The following RIMBP2 variants were observed in gnomAD, a reference collection of about 807,000 sequenced individuals.
RIMBP2 encodes RIMS binding protein 2.
In RIMBP2, 48 loss-of-function variants were observed where a neutral mutation model predicts 118.6. The ratio of observed to expected loss-of-function variants is 0.40; its 90% CI spans 0.32 to 0.51. The LOEUF is 0.51. Ranked by LOEUF, RIMBP2 falls within the 20% of genes least tolerant of loss-of-function variation. RIMBP2 has a pLI of 0.41. For synonymous variants in RIMBP2, 762 were observed against 742.9 expected (o/e 1.03, Z -0.42); for missense variants, 1,551 against 1,768.3 (o/e 0.88, Z 2.20).
At position 130,434,532 on chromosome 12, in the gene RIMBP2, A is replaced by G. The variant is rs771061433; in HGVS notation, c.2253+202T>C. Reference sequence around the variant, plus strand: ...GAAGCCCTGCACTTCGACTTTTTCAATTATCCCCAATGAGGGTATGTGACA... The same window carrying G: ...GAAGCCCTGCACTTCGACTTTTTCAGTTATCCCCAATGAGGGTATGTGACA... On this transcript the variant is annotated intron_variant, in intron 14 of 22. Coordinates refer to ENST00000690449, the MANE Select transcript of RIMBP2 (RefSeq NM_001393629.1). The surrounding 1 kb of genome is among the most constrained non-coding windows in gnomAD (Gnocchi z 5.7). Among the ~76,000 whole-genome samples the G allele has an allele frequency of 1.3e-5, 2 of 152,182 alleles. No individual in the cohort carries two copies. The highest frequency in any genetic ancestry group is 2.9e-5 in the Non-Finnish European group (2 of 68,046).
In RIMBP2 at chr12:130,452,046, A is replaced by AAC. The variant is rs1251540602; in HGVS notation, c.359-707_359-706insGT. On this transcript the variant is annotated intron_variant, in intron 7 of 22. Coordinates refer to ENST00000690449, the MANE Select transcript of RIMBP2 (RefSeq NM_001393629.1). ...CTGTCCTGGTTGCCTGGAAGGGAGC[A>AAC]TTGAGCAACGTGACTAACGCTGGCC... Among the ~76,000 whole-genome samples, 6 of 152,312 alleles carry AAC rather than the reference A, an allele frequency of 3.9e-5. 1 individual carries two copies. In the East Asian group the frequency reaches 1.2e-3, roughly 29 times the overall value.
chr12:130,438,408 CCATTGGA>C lies in RIMBP2; in HGVS notation c.1606_1612del (p.Ser536AlafsTer42). On this transcript the variant is annotated frameshift_variant, in exon 12 of 23. Transcript: ENST00000690449. LOFTEE classifies it high-confidence loss of function. ...CACGCCGTAGCCGGTAACGTTTGCGCCATTGGACAGCCCGGTGGGCGTCAGCACAGGT... is the reference window on the plus strand; with the variant it reads ...CACGCCGTAGCCGGTAACGTTTGCGCCAGCCCGGTGGGCGTCAGCACAGGT... The C allele has an allele frequency of 6.2e-7, 1 of 1,604,490 alleles. No homozygotes were observed. Among genetic ancestry groups the C allele is most frequent in the Non-Finnish European group, 8.5e-7 (1 of 1,175,838 alleles).
chr12:130,412,791 GA>G lies in RIMBP2; in HGVS notation c.3421-5del. On this transcript the variant is annotated splice_region_variant and splice_polypyrimidine_tract_variant and intron_variant, in intron 18 of 22. Coordinates refer to ENST00000690449, the MANE Select transcript of RIMBP2 (RefSeq NM_001393629.1). ...CAGCGTCTTTATCACCATAAACCTA[GA>G]GCCAAGGGGGAAAATAAATCAAGCA... 6.2e-7 allele frequency: 1 copy of G among 1,607,346 alleles called. No individual in the cohort carries two copies. Among genetic ancestry groups the G allele is most frequent in the Non-Finnish European group, 8.5e-7 (1 of 1,176,858 alleles).
chr12:130,451,352 C>T lies in RIMBP2; in HGVS notation c.359-12G>A. ...AGCGCTCTCCTGACCTGGCCACGAA[C>T]ATTAAAACAAGTTGAAACAAATATG... On this transcript the variant is annotated splice_polypyrimidine_tract_variant and intron_variant, in intron 7 of 22. Coordinates refer to ENST00000690449, the MANE Select transcript of RIMBP2 (RefSeq NM_001393629.1). 2 of 1,590,364 alleles carry T rather than the reference C, an allele frequency of 1.3e-6. No homozygotes were observed. Among genetic ancestry groups the T allele is most frequent in the Non-Finnish European group, 1.7e-6 (2 of 1,163,260 alleles).
At position 130,523,572 on chromosome 12, in the gene RIMBP2, A is replaced by G. The variant is rs954551168; in HGVS notation, c.-216-5655T>C. Among the ~76,000 whole-genome samples, 1 of 152,182 alleles carries G rather than the reference A, an allele frequency of 6.6e-6. No homozygotes were observed. The highest frequency in any genetic ancestry group is 2.4e-5 in the African/African-American group (1 of 41,446). On this transcript the variant is annotated intron_variant, in intron 2 of 22. Coordinates refer to ENST00000690449, the MANE Select transcript of RIMBP2 (RefSeq NM_001393629.1). The surrounding 1 kb of genome is among the most constrained non-coding windows in gnomAD (Gnocchi z 4.4). ...CATCAGGAGCTCCAGTTAAATCCCC[A>G]TTTCAATGGACAAGGTGGCCGCTTC...
chr12:130,406,893 C>T (rs1322914167), intron 20 of RIMBP2, among the ~76,000 whole-genome samples: 1 of 126,658 alleles, frequency 7.9e-6, no homozygotes, highest in Non-Finnish European at 1.9e-5. Flanking sequence ...GCAGTCTGCC[C>T]ACCTCCCAAA....
chr12:130,438,334 A>AGGG, intron 12 of RIMBP2, 31 bp downstream of exon 12: 29 of 1,344,482 alleles, frequency 2.2e-5, no homozygotes, highest in Non-Finnish European at 3.1e-5. Flanking sequence ...GGGCCTAACA[A>AGGG]ACCCTCCCCA....
At chr12:130,586,437 A>G (rs2058886381) in intron 2 of RIMBP2, among the ~76,000 whole-genome samples, 1 of 152,222 alleles carries the variant, frequency 6.6e-6, no homozygotes. Context: ...GGGCAATAAA[A>G]GGGAAACTCC....
intron 4 of RIMBP2, among the ~76,000 whole-genome samples, chr12:130,504,251 G>C (rs1047157127): frequency 6.6e-6 from 1 of 152,188 alleles, no homozygotes; most frequent in African/African-American, 2.4e-5. Context: ...TGGCACTTCA[G>C]TGTCTTTGTT....
chr12:130,613,294 G>C (rs1381653170), intron 2 of RIMBP2, among the ~76,000 whole-genome samples: 2 of 152,214 alleles, frequency 1.3e-5, no homozygotes, highest in Non-Finnish European at 2.9e-5. Flanking sequence ...CGCCCCGCCA[G>C]AGGGCCAGTG....
rs1566003331 is a variant in RIMBP2 at position 130,420,697 on chromosome 12, T to C, written c.3238+1756A>G. 6.6e-6 allele frequency among the ~76,000 whole-genome samples: 1 copy of C among 152,072 alleles called. No individual in the cohort carries two copies. Among genetic ancestry groups the C allele is most frequent in the African/African-American group, 2.4e-5 (1 of 41,394 alleles). On this transcript the variant is annotated intron_variant, in intron 17 of 22. Transcript: ENST00000690449. The surrounding 1 kb of genome is among the most constrained non-coding windows in gnomAD (Gnocchi z 4.3). ...GACAAAAAATAATTATTTAAGCCAA[T>C]ATTGAGTCTAAGTCCAAGCAACAAG...
intron 7 of RIMBP2, among the ~76,000 whole-genome samples, chr12:130,453,968 C>A (rs992344620): frequency 6.6e-6 from 1 of 152,156 alleles, no homozygotes. Flanking sequence ...GCAGGAGAAT[C>A]GCTTGAACCT....
intron 1 of RIMBP2, among the ~76,000 whole-genome samples, chr12:130,705,501 G>A (rs137968296): frequency 1.3e-5 from 2 of 152,326 alleles, no homozygotes; most frequent in East Asian, 3.9e-4. Context: ...GGGAAGGGAC[G>A]CAGCTGTCCC....
chr12:130,685,845 C>T (rs935714658), intron 1 of RIMBP2, among the ~76,000 whole-genome samples: 8 of 152,198 alleles, frequency 5.3e-5, no homozygotes, highest in African/African-American at 1.4e-4. Flanking sequence ...CAGAGATGAG[C>T]TGAACTGCGT....
chr12:130,420,120 G>A lies in RIMBP2; in HGVS notation c.3238+2333C>T, dbSNP rs985553127. 2.0e-5 allele frequency among the ~76,000 whole-genome samples: 3 copies of A among 152,236 alleles called. No homozygotes were observed. Among genetic ancestry groups the A allele is most frequent in the Admixed American group, 1.3e-4 (2 of 15,294 alleles). On this transcript the variant is annotated intron_variant, in intron 17 of 22. Coordinates refer to ENST00000690449, the MANE Select transcript of RIMBP2 (RefSeq NM_001393629.1). This position sits in a 1 kb window ranked among gnomAD's most constrained non-coding sequence, Gnocchi z 4.3. ...AAATAGAAGTAAATGACAACTAGAG[G>A]AATATCCTGTCTGTTCAGCTGTCAC...
intron 2 of RIMBP2, among the ~76,000 whole-genome samples, chr12:130,524,651 T>A (rs1481327603): frequency 2.0e-5 from 3 of 152,152 alleles, no homozygotes; most frequent in Non-Finnish European, 2.9e-5. Flanking sequence ...AAAAATAATA[T>A]CTGCACTTGG....
chr12:130,604,586 C>T (rs12820031), intron 2 of RIMBP2, among the ~76,000 whole-genome samples: 17,579 of 48,918 alleles, frequency 0.36, 2,876 homozygotes, highest in East Asian at 0.48. Context: ...CCTTTTCTTT[C>T]TTTTTTTTTT....
Position 130,450,256 on chromosome 12 carries a change from G to C in RIMBP2, c.525C>G (p.Ser175=). Residue 175 remains serine (S), a synonymous_variant, in exon 9 of 23, where the codon TCC becomes TCG. Coordinates refer to ENST00000690449, the MANE Select transcript of RIMBP2 (RefSeq NM_001393629.1). The surrounding 1 kb of genome is among the most constrained non-coding windows in gnomAD (Gnocchi z 4.8). ...SESDMENERN[S]NTSKQRYSGK... is the part of the protein sequence containing the mutation. ...CCGAGTATCTCTGCTTGGAGGTATT[G>C]GAATTCCGTTCATTCTCCATCTGTG... 6.2e-7 allele frequency: 1 copy of C among 1,608,982 alleles called. No individual in the cohort carries two copies. Among genetic ancestry groups the C allele is most frequent in the Non-Finnish European group, 8.5e-7 (1 of 1,177,270 alleles).
chr12:130,609,160 G>A (rs1414396429), intron 2 of RIMBP2, among the ~76,000 whole-genome samples: 17 of 152,054 alleles, frequency 1.1e-4, no homozygotes, highest in Admixed American at 8.5e-4. Flanking sequence ...CACTGGTACC[G>A]ACCCAAAGAA....
Sources: gnomAD v4.1 joint callset for allele counts (sites outside exome capture counted in the v4.1 genomes callset) on GRCh38, gnomAD v4.1.1 for gene constraint, Gnocchi (gnomAD v3.1) non-coding constraint, MANE v1.5 for transcripts, NCBI Gene and HGNC (gene_info 2026-07-23, HGNC 2026-07-21) for gene names.